CACNA2D3: variants seen among roughly 807,000 people sequenced by gnomAD.
The protein encoded by CACNA2D3 is voltage-dependent calcium channel subunit alpha-2/delta-3.
A neutral mutation model predicts 160.6 loss-of-function variants in CACNA2D3; 60 were observed. The observed-to-expected ratio is 0.37, with a 90% CI of 0.30 to 0.46. CACNA2D3 has a LOEUF of 0.46. Among genes scored for constraint, CACNA2D3 ranks in the 20% least tolerant of loss-of-function variants. The pLI is 1.00. For synonymous variants in CACNA2D3, 558 were observed against 492.9 expected (o/e 1.13, Z -1.75); for missense variants, 1,205 against 1,365.0 (o/e 0.88, Z 1.85).
At chr3:54,168,196 G>A (rs374865196) in intron 2 of CACNA2D3, among the ~76,000 whole-genome samples, 10 of 152,316 alleles carry the variant, frequency 6.6e-5, no homozygotes, top group Admixed American at 5.2e-4. Context: ...TTAAGTGGCT[G>A]GTGGAAATGA....
rs759404282 is a variant in CACNA2D3, at chr3:54,838,499, C to T, written c.1471-69C>T. Reference sequence around the variant, plus strand: ...GCACCAGGCAGACGGTATGTGACTTCTCGTGAGATTCTATTTCTTTTGCCA... The same window carrying T: ...GCACCAGGCAGACGGTATGTGACTTTTCGTGAGATTCTATTTCTTTTGCCA... On this transcript the variant is annotated intron_variant, in intron 15 of 37. Coordinates refer to ENST00000474759, the MANE Select transcript of CACNA2D3 (RefSeq NM_018398.3). 36 of 1,262,492 alleles carry T rather than the reference C, an allele frequency of 2.9e-5. No homozygotes were observed. The East Asian group carries it at 8.3e-4, about 29-fold the overall frequency. The allele number at this position is 1,262,492 out of a possible 1,614,324, so 78.2% of individuals were successfully genotyped here.
intron 8 of CACNA2D3, among the ~76,000 whole-genome samples, chr3:54,579,517 T>C (rs900925456): frequency 6.6e-6 from 1 of 152,226 alleles, no homozygotes; most frequent in Admixed American, 6.5e-5. Flanking sequence ...CTTTCCCTTA[T>C]GTCATGGTCA....
At chr3:54,574,074 C>T (rs1257963907) in intron 8 of CACNA2D3, among the ~76,000 whole-genome samples, 3 of 152,280 alleles carry the variant, frequency 2.0e-5, no homozygotes, top group East Asian at 1.9e-4. Context: ...TTGTTATCAT[C>T]GGCTGGATTC....
intron 35 of CACNA2D3, among the ~76,000 whole-genome samples, chr3:55,060,161 T>C (rs990403223): frequency 8.5e-5 from 13 of 152,128 alleles, no homozygotes; most frequent in African/African-American, 2.4e-4. Flanking sequence ...ATGGGTGAGA[T>C]GGCAGGCTCT....
intron 9 of CACNA2D3, among the ~76,000 whole-genome samples, chr3:54,603,997 CTTA>C (rs1703113198): frequency 6.6e-6 from 1 of 152,104 alleles, no homozygotes; most frequent in Non-Finnish European, 1.5e-5. Flanking sequence ...TTCCAACCTC[CTTA>C]TTATTGAAAA....
intron 11 of CACNA2D3, among the ~76,000 whole-genome samples, chr3:54,705,192 T>C (rs1349895645): frequency 2.6e-5 from 4 of 152,214 alleles, no homozygotes; most frequent in Non-Finnish European, 5.9e-5. Flanking sequence ...CATTTTGCCA[T>C]ATCAATTTCA....
rs575960746 is a variant in CACNA2D3, at chr3:55,065,049, C to T, written c.2988-8396C>T. Reference sequence around the variant, plus strand: ...AGTGAGCCTCCTTGCCTTCTTCTGACTCTAATTAGCCTGCTCTGAGTGTTT... The same window carrying T: ...AGTGAGCCTCCTTGCCTTCTTCTGATTCTAATTAGCCTGCTCTGAGTGTTT... On this transcript the variant is annotated intron_variant, in intron 35 of 37. Transcript: ENST00000474759. Among the ~76,000 whole-genome samples, 27 of 152,294 alleles carry T rather than the reference C, an allele frequency of 1.8e-4. No individual in the cohort carries two copies. The South Asian group carries it at 5.6e-3, about 32-fold the overall frequency.
Position 54,879,076 on chromosome 3 carries a change from C to T in CACNA2D3, c.1769C>T (p.Thr590Ile). 1 of 1,601,504 alleles carries T rather than the reference C, an allele frequency of 6.2e-7. No individual in the cohort carries two copies. Among genetic ancestry groups the T allele is most frequent in the Admixed American group, 1.7e-5 (1 of 57,788 alleles). The change falls in exon 19 of 38, where the codon ACA becomes ATA. Residue 590 changes from threonine (T) to isoleucine (I), a missense_variant. Coordinates refer to ENST00000474759, the MANE Select transcript of CACNA2D3 (RefSeq NM_018398.3). ...AAGTTTTCCATGGAGGTGAAGAAGA[C>T]AGTGGACAAAGGGGTACATTTTTCT... ...TGKFSMEVKK[T>I]VDKGKRVLVM...
chr3:54,533,040 C>T (rs895054552), intron 5 of CACNA2D3, among the ~76,000 whole-genome samples: 1 of 152,152 alleles, frequency 6.6e-6, no homozygotes, highest in East Asian at 1.9e-4. Context: ...TTGCATTTCT[C>T]TCATGATTAG....
intron 27 of CACNA2D3, among the ~76,000 whole-genome samples, chr3:54,932,509 G>T (rs115833508): frequency 6.6e-6 from 1 of 152,110 alleles, no homozygotes; most frequent in African/African-American, 2.4e-5. Flanking sequence ...AAATTAAGAA[G>T]CAAGTAAAGG....
intron 2 of CACNA2D3, among the ~76,000 whole-genome samples, chr3:54,166,783 C>A (rs1700466574): frequency 6.6e-6 from 1 of 152,176 alleles, no homozygotes; most frequent in African/African-American, 2.4e-5. Context: ...ACTTCCATGA[C>A]AATATTCTGT....
intron 1 of CACNA2D3, 77 bp downstream of exon 1, chr3:54,122,912 G>A: frequency 1.7e-6 from 2 of 1,166,356 alleles, no homozygotes; most frequent in South Asian, 8.6e-5. Context: ...TTGGGCGCCT[G>A]CAGGTGCGGC....
At chr3:54,794,000 T>C (rs1702814467) in intron 13 of CACNA2D3, among the ~76,000 whole-genome samples, 1 of 152,198 alleles carries the variant, frequency 6.6e-6, no homozygotes, top group Admixed American at 6.5e-5. Context: ...TATTGATTTA[T>C]TGGCATAAAG....
chr3:54,231,527 C>T lies in CACNA2D3; in HGVS notation c.205-88915C>T, dbSNP rs539065928. Among the ~76,000 whole-genome samples the T allele has an allele frequency of 3.9e-5, 6 of 152,280 alleles. No homozygotes were observed. The South Asian group carries it at 1.2e-3, about 32-fold the overall frequency. On this transcript the variant is annotated intron_variant, in intron 2 of 37. Coordinates refer to ENST00000474759, the MANE Select transcript of CACNA2D3 (RefSeq NM_018398.3). ...ATCTGCCAAAGAAACAGGCCCTGTC[C>T]TGGGCCAGCCTCATGAGCATTAGGC...
intron 2 of CACNA2D3, among the ~76,000 whole-genome samples, chr3:54,181,734 G>T (rs565012300): frequency 2.1e-4 from 32 of 152,112 alleles, no homozygotes; most frequent in Non-Finnish European, 4.1e-4. Flanking sequence ...TTGCGAGCTG[G>T]CCAGGTTGCA....
intron 3 of CACNA2D3, among the ~76,000 whole-genome samples, chr3:54,370,762 T>C (rs1698912481): frequency 6.6e-6 from 1 of 152,044 alleles, no homozygotes; most frequent in East Asian, 1.9e-4. Context: ...AGTGGGTTTT[T>C]TTTTGTATAT....
At chr3:54,741,372 C>T (rs1036104741) in intron 11 of CACNA2D3, among the ~76,000 whole-genome samples, 4 of 152,188 alleles carry the variant, frequency 2.6e-5, no homozygotes, top group Admixed American at 2.6e-4. Context: ...AAGTCCCAAA[C>T]ATTTTACTTT....
intron 35 of CACNA2D3, among the ~76,000 whole-genome samples, chr3:55,054,620 A>G (rs1187801059): frequency 6.6e-6 from 1 of 150,450 alleles, no homozygotes; most frequent in Non-Finnish European, 1.5e-5. Context: ...AAAGTATAAT[A>G]TATTACCATT....
intron 35 of CACNA2D3, among the ~76,000 whole-genome samples, chr3:55,051,690 G>A (rs575818685): frequency 5.3e-5 from 8 of 152,268 alleles, no homozygotes; most frequent in Admixed American, 2.0e-4. Flanking sequence ...AATGGCGGGC[G>A]CCCCTCCCCC....
Sources: allele counts gnomAD v4.1 joint callset (sites outside exome capture counted in the v4.1 genomes callset), GRCh38; gene constraint gnomAD v4.1.1; transcripts MANE v1.5; gene names NCBI Gene and HGNC (gene_info 2026-07-23, HGNC 2026-07-21).